Variants in AGBL1 observed in about 807,000 individuals in gnomAD.
AGBL1 encodes the protein cytosolic carboxypeptidase 4.
A neutral mutation model predicts 118.9 loss-of-function variants in AGBL1; 130 were observed. The observed-to-expected ratio is 1.09, with a 90% CI of 0.95 to 1.26. The LOEUF (loss-of-function observed/expected upper bound fraction) is 1.26, where lower values mean the gene tolerates loss of function less well. Among genes scored for constraint, AGBL1 ranks in the 50% most tolerant of loss-of-function variants. The pLI is 0.00. For missense variants in AGBL1, 1,584 were observed against 1,298.1 expected (o/e 1.22, Z -3.38); for synonymous variants, 555 against 478.9 (o/e 1.16, Z -2.08).
chr15:86,220,463 T>C (rs2078263739), intron 5 of AGBL1, among the ~76,000 whole-genome samples: 1 of 152,220 alleles, frequency 6.6e-6, no homozygotes, highest in African/African-American at 2.4e-5. Flanking sequence ...TATTCAAGAC[T>C]CCTCTGTAAT....
intron 21 of AGBL1, among the ~76,000 whole-genome samples, chr15:86,582,872 GA>G (rs1292031846): frequency 1.3e-3 from 181 of 137,020 alleles, no homozygotes; most frequent in African/African-American, 4.4e-3. Flanking sequence ...GGGGTTGGGG[GA>G]GGGGGGAGGG....
chr15:86,972,179 A>G (rs1385850033), intron 23 of AGBL1, among the ~76,000 whole-genome samples: 1 of 152,062 alleles, frequency 6.6e-6, no homozygotes, highest in Admixed American at 6.6e-5. Flanking sequence ...TTAACACAGC[A>G]TGTCAGAAAG....
intron 23 of AGBL1, among the ~76,000 whole-genome samples, chr15:86,965,989 A>G (rs1211677264): frequency 3.3e-5 from 5 of 152,070 alleles, no homozygotes. Context: ...GTACCCTAGA[A>G]CTTAAAGCAT....
In AGBL1 at chr15:86,264,749, C is replaced by G; in HGVS notation, c.1578C>G (p.Asp526Glu). 1.2e-6 allele frequency: 2 copies of G among 1,614,050 alleles called. No homozygotes were observed. Among genetic ancestry groups the G allele is most frequent in the Non-Finnish European group, 1.7e-6 (2 of 1,179,908 alleles). Reference sequence around the variant, plus strand: ...CCAGAAGAACCAGCTCTGTGGTGGACTTCAAGATGATGGCATTTCCTGATG... The same window carrying G: ...CCAGAAGAACCAGCTCTGTGGTGGAGTTCAAGATGATGGCATTTCCTGATG... ...AKARRTSSVV[D>E]FKMMAFPDVW... The change falls in exon 11 of 23, where the codon GAC (aspartate) becomes GAG (glutamate). Residue 526 changes from aspartate (D) to glutamate (E), a missense_variant. Physicochemically the swap from Asp to Glu is conservative, Grantham distance 45. Transcript: ENST00000614907.
At chr15:86,545,940 G>A (rs1219141068) in intron 19 of AGBL1, 62 bp from the exon 20 acceptor site, 3 of 1,563,146 alleles carry the variant, frequency 1.9e-6, no homozygotes, top group Non-Finnish European at 2.6e-6. Flanking sequence ...TACGATTTAA[G>A]TGGATTTAAG....
chr15:86,618,289 C>G (rs914912099), intron 21 of AGBL1, among the ~76,000 whole-genome samples: 8 of 152,144 alleles, frequency 5.3e-5, no homozygotes, highest in Non-Finnish European at 1.0e-4. Flanking sequence ...GCTATGGCAA[C>G]TTATTTGCAA....
At chr15:86,421,779 A>G (rs1006185116) in intron 18 of AGBL1, among the ~76,000 whole-genome samples, 2 of 145,486 alleles carry the variant, frequency 1.4e-5, no homozygotes, top group Non-Finnish European at 3.0e-5. Flanking sequence ...AATAGAAAGG[A>G]AAAAAAGCAG....
intron 22 of AGBL1, among the ~76,000 whole-genome samples, chr15:86,680,490 C>A (rs1478606049): frequency 6.6e-6 from 1 of 151,540 alleles, no homozygotes; most frequent in Non-Finnish European, 1.5e-5. Context: ...CTTATGGTAG[C>A]CAGCCTAATT....
At position 86,264,347 on chromosome 15, in the gene AGBL1, A is replaced by G. The variant is rs753573077; in HGVS notation, c.1176A>G (p.Lys392=). 1 of 1,613,236 alleles carries G rather than the reference A, an allele frequency of 6.2e-7. No individual in the cohort carries two copies. The highest frequency in any genetic ancestry group is 2.2e-5 in the East Asian group (1 of 44,866). The change falls in exon 11 of 23, where the codon AAA becomes AAG. Residue 392 remains lysine, a synonymous_variant. Coordinates refer to ENST00000614907, the MANE Select transcript of AGBL1 (RefSeq NM_001386094.1). ...HHHIPAAASS[K]QHCYSKDQSS... ...ACATTCCAGCCGCTGCCTCCTCAAA[A>G]CAGCATTGCTACAGCAAGGACCAAA...
At chr15:86,392,271 A>G (rs1267327396) in intron 17 of AGBL1, among the ~76,000 whole-genome samples, 1 of 151,944 alleles carries the variant, frequency 6.6e-6, no homozygotes, top group Non-Finnish European at 1.5e-5. Context: ...CTTATGTATT[A>G]TTTTTAATGG....
chr15:86,439,637 A>G (rs550094106), intron 18 of AGBL1, among the ~76,000 whole-genome samples: 1 of 152,354 alleles, frequency 6.6e-6, no homozygotes, highest in African/African-American at 2.4e-5. Flanking sequence ...GAGTGAGACA[A>G]GGCAATACTG....
At chr15:86,452,533 T>C (rs1596132854) in intron 18 of AGBL1, among the ~76,000 whole-genome samples, 1 of 152,196 alleles carries the variant, frequency 6.6e-6, no homozygotes, top group African/African-American at 2.4e-5. Flanking sequence ...CCTTAGCACA[T>C]GCTTAGCTAG....
At chr15:86,976,065 C>A (rs1216765926) in intron 23 of AGBL1, among the ~76,000 whole-genome samples, 2 of 151,752 alleles carry the variant, frequency 1.3e-5, no homozygotes, top group African/African-American at 4.8e-5. Flanking sequence ...TACACATATT[C>A]ATTGTAGAAA....
intron 24 of AGBL1, chr15:86,988,092 A>G (rs768707941): frequency 4.3e-6 from 7 of 1,613,132 alleles, no homozygotes; most frequent in Admixed American, 1.7e-5. Flanking sequence ...TCTCCCCGTG[A>G]GTATGTCAGT....
intron 22 of AGBL1, among the ~76,000 whole-genome samples, chr15:86,891,575 T>C (rs1221421245): frequency 6.9e-6 from 1 of 145,532 alleles, no homozygotes; most frequent in East Asian, 2.1e-4. Context: ...CAAGAAATAA[T>C]GAGGAAAAAA....
intron 22 of AGBL1, among the ~76,000 whole-genome samples, chr15:86,728,718 T>G (rs1399305497): frequency 6.6e-6 from 1 of 152,234 alleles, no homozygotes; most frequent in Non-Finnish European, 1.5e-5. Context: ...TTCTTTTTTT[T>G]GTTCACATCT....
At chr15:86,979,400 G>C (rs538602165) in intron 23 of AGBL1, among the ~76,000 whole-genome samples, 38 of 152,214 alleles carry the variant, frequency 2.5e-4, no homozygotes, top group African/African-American at 8.7e-4. Flanking sequence ...TCTAATACAT[G>C]ATACAATTTA....
chr15:86,481,764 A>G (rs1433538370), intron 18 of AGBL1, among the ~76,000 whole-genome samples: 1 of 152,122 alleles, frequency 6.6e-6, no homozygotes, highest in Admixed American at 6.6e-5. Flanking sequence ...CCAAATCATC[A>G]TCTTAGAACT....
intron 18 of AGBL1, among the ~76,000 whole-genome samples, chr15:86,456,921 A>G (rs557295678): frequency 3.3e-5 from 5 of 152,300 alleles, no homozygotes; most frequent in Non-Finnish European, 5.9e-5. Flanking sequence ...TTCAAAAAGG[A>G]TTACCTACAT....
Sources: allele counts gnomAD v4.1 joint callset (sites outside exome capture counted in the v4.1 genomes callset), GRCh38; gene constraint gnomAD v4.1.1; transcripts MANE v1.5; gene names NCBI Gene and HGNC (gene_info 2026-07-23, HGNC 2026-07-21).